Variants in RARB observed in about 807,000 individuals in gnomAD.
RARB encodes HBV-activated protein.
RARB carries 17 observed loss-of-function variants against 51.9 expected under a neutral mutation model. The ratio of observed to expected loss-of-function variants is 0.33; its 90% CI spans 0.22 to 0.49. The LOEUF (loss-of-function observed/expected upper bound fraction) is 0.49. Ranked by LOEUF, RARB falls within the 20% of genes least tolerant of loss-of-function variation. RARB has a pLI of 0.99. For missense variants in RARB, 369 were observed against 550.8 expected, an observed-to-expected ratio of 0.67 and a Z score of 3.30; for synonymous variants, 215 against 195.4, an observed-to-expected ratio of 1.10 and a Z score of -0.84.
chr3:25,175,901 A>G (rs139434402), intron 5 of RARB, among the ~76,000 whole-genome samples: 3 of 152,324 alleles, frequency 2.0e-5, no homozygotes, highest in Non-Finnish European at 4.4e-5. Context: ...AGAAATGGAC[A>G]TAGTACCAGT....
At chr3:25,148,565 G>C (rs952863763) in intron 4 of RARB, among the ~76,000 whole-genome samples, 1 of 152,130 alleles carries the variant, frequency 6.6e-6, no homozygotes, top group African/African-American at 2.4e-5. Context: ...TAATTACTAA[G>C]TAATCACTGT....
chr3:25,494,968 C>T (rs1044675260), intron 2 of RARB, among the ~76,000 whole-genome samples: 1 of 152,188 alleles, frequency 6.6e-6, no homozygotes, highest in African/African-American at 2.4e-5. Context: ...ACAAAGTTCT[C>T]TCAGGAGGTA....
intron 2 of RARB, among the ~76,000 whole-genome samples, chr3:25,471,559 C>T (rs1392011756): frequency 1.5e-5 from 2 of 134,164 alleles, no homozygotes; most frequent in African/African-American, 2.8e-5. Flanking sequence ...AAGTTGGGGG[C>T]GGGGGGAGTG....
At chr3:25,463,224 T>C (rs1440970068) in intron 2 of RARB, among the ~76,000 whole-genome samples, 1 of 152,064 alleles carries the variant, frequency 6.6e-6, no homozygotes, top group Non-Finnish European at 1.5e-5. Context: ...GATATAGATA[T>C]GGAGGGGCCG....
chr3:25,034,916 TAC>T (rs1466234696), intron 2 of RARB, among the ~76,000 whole-genome samples: 1 of 152,226 alleles, frequency 6.6e-6, no homozygotes. Flanking sequence ...CTGCTCACTT[TAC>T]ACAAAGTGCT....
At chr3:25,334,804 T>G (rs1705016869) in intron 5 of RARB, among the ~76,000 whole-genome samples, 1 of 152,236 alleles carries the variant, frequency 6.6e-6, no homozygotes, top group Non-Finnish European at 1.5e-5. Context: ...ATTGTTATCT[T>G]TCTTTTGGCA....
At chr3:25,445,113 C>A (rs1282121066) in intron 1 of RARB, among the ~76,000 whole-genome samples, 1 of 151,976 alleles carries the variant, frequency 6.6e-6, no homozygotes, top group East Asian at 1.9e-4. Context: ...CCACACCTGG[C>A]TAATTTTTTG....
chr3:25,343,837 G>T (rs559942659), intron 5 of RARB, among the ~76,000 whole-genome samples: 4 of 152,266 alleles, frequency 2.6e-5, no homozygotes, highest in East Asian at 1.9e-4. Context: ...GTTTTCGATC[G>T]TAAGTCTTGT....
At chr3:25,008,331 G>C (rs1407605619) in intron 2 of RARB, among the ~76,000 whole-genome samples, 9 of 152,032 alleles carry the variant, frequency 5.9e-5, no homozygotes, top group Non-Finnish European at 8.8e-5. Context: ...ATTTCCTCTT[G>C]TATACAGATG....
In RARB at chr3:24,839,728, G is replaced by C. The variant is rs1360488691; in HGVS notation, c.-459+10325G>C. Among the ~76,000 whole-genome samples the C allele has an allele frequency of 2.7e-3, 272 of 99,864 alleles. 3 individuals are homozygous for C. The highest frequency in any genetic ancestry group is 9.4e-3 in the African/African-American group (239 of 25,492). The allele number at this position is 99,864 out of a possible 152,430, so 65.5% of individuals were successfully genotyped here. A position where few individuals can be genotyped will look rare whatever the true frequency, so the allele number is the denominator to read the frequency against. Reference sequence around the variant, plus strand: ...CAAAAAAAAAAAAAAAAGGGGGGGGGGGTGGGGGAAGAAACAGTTTGGGTA... The same window carrying C: ...CAAAAAAAAAAAAAAAAGGGGGGGGCGGTGGGGGAAGAAACAGTTTGGGTA... On this transcript the variant is annotated intron_variant, in intron 1 of 11. Transcript: ENST00000383772.
At chr3:24,917,231 G>C (rs533494983) in intron 2 of RARB, among the ~76,000 whole-genome samples, 1 of 151,960 alleles carries the variant, frequency 6.6e-6, no homozygotes. Flanking sequence ...AATCAAAAAA[G>C]TTTTAGAAAA....
chr3:25,255,980 A>C (rs569495663), intron 5 of RARB, among the ~76,000 whole-genome samples: 1 of 152,238 alleles, frequency 6.6e-6, no homozygotes, highest in South Asian at 2.1e-4. Context: ...TTTCCCTCTT[A>C]ACTATGATTA....
At chr3:25,366,692 A>G (rs1286045934) in intron 5 of RARB, among the ~76,000 whole-genome samples, 1 of 152,196 alleles carries the variant, frequency 6.6e-6, no homozygotes, top group Non-Finnish European at 1.5e-5. Flanking sequence ...GTTCTTATCA[A>G]TCTATATTGA....
intron 1 of RARB, among the ~76,000 whole-genome samples, chr3:24,842,743 T>G (rs1702434754): frequency 6.6e-6 from 1 of 152,254 alleles, no homozygotes; most frequent in Non-Finnish European, 1.5e-5. Flanking sequence ...TGACACTCCT[T>G]TCTTCCAAGA....
At chr3:24,988,832 A>T (rs1323616780) in intron 2 of RARB, among the ~76,000 whole-genome samples, 1 of 151,814 alleles carries the variant, frequency 6.6e-6, no homozygotes, top group African/African-American at 2.4e-5. Flanking sequence ...TTATTTATTT[A>T]TTTTTATTTT....
At chr3:25,262,259 T>C (rs73821768) in intron 5 of RARB, among the ~76,000 whole-genome samples, 7,299 of 152,146 alleles carry the variant, frequency 0.048, 567 homozygotes, top group African/African-American at 0.16. Context: ...ACGTAATGAC[T>C]ATTCTCCCTC....
intron 3 of RARB, among the ~76,000 whole-genome samples, chr3:25,119,880 G>A (rs1699751351): frequency 6.6e-6 from 1 of 152,098 alleles, no homozygotes; most frequent in South Asian, 2.1e-4. Context: ...CTGATTAGTA[G>A]ATAAGTGAGA....
chr3:25,124,212 C>A (rs751530717), intron 3 of RARB, among the ~76,000 whole-genome samples: 2 of 152,044 alleles, frequency 1.3e-5, no homozygotes, highest in African/African-American at 2.4e-5. Context: ...GTCTCTACTA[C>A]AAATAAGAAA....
chr3:25,317,645 C>T (rs1704463114), intron 5 of RARB, among the ~76,000 whole-genome samples: 2 of 152,108 alleles, frequency 1.3e-5, no homozygotes, highest in East Asian at 1.9e-4. Flanking sequence ...ATCTGAATTA[C>T]AGGACACAGT....
Sources: allele counts gnomAD v4.1 joint callset (sites outside exome capture counted in the v4.1 genomes callset), GRCh38; gene constraint gnomAD v4.1.1; transcripts MANE v1.5; gene names NCBI Gene and HGNC (gene_info 2026-07-23, HGNC 2026-07-21).